NFATC3: variants seen among roughly 807,000 people sequenced by gnomAD.
NFATC3 encodes the protein nuclear factor of activated T-cells, cytoplasmic 3.
NFATC3 carries 46 observed loss-of-function variants against 98.6 expected under a neutral mutation model. The ratio of observed to expected loss-of-function variants is 0.47; its 90% CI spans 0.37 to 0.60. NFATC3 has a LOEUF of 0.60. NFATC3 is among the 20% of genes least tolerant of loss of function. The pLI is 0.00. For synonymous variants in NFATC3, 512 were observed against 472.2 expected (o/e 1.08, Z -1.09); for missense variants, 1,256 against 1,295.5 (o/e 0.97, Z 0.47).
At chr16:68,218,106 C>G (rs766928261) in intron 9 of NFATC3, 14 of 896,912 alleles carry the variant, frequency 1.6e-5, no homozygotes, top group Non-Finnish European at 1.9e-5. Flanking sequence ...GTTGCCTAGG[C>G]TGGAGTGCAG....
At chr16:68,109,104 A>G (rs2035813291) in intron 1 of NFATC3, among the ~76,000 whole-genome samples, 1 of 152,134 alleles carries the variant, frequency 6.6e-6, no homozygotes, top group African/African-American at 2.4e-5. Context: ...AATTTCCATT[A>G]CTATGTTGAA....
intron 1 of NFATC3, among the ~76,000 whole-genome samples, chr16:68,106,122 G>A (rs569014115): frequency 6.6e-6 from 1 of 151,760 alleles, no homozygotes; most frequent in South Asian, 2.1e-4. Flanking sequence ...CACCTGCTTC[G>A]GCCTCCCAGA....
rs919985849 is a variant in NFATC3 at position 68,089,352 on chromosome 16, CTTT to C, written c.103+3571_103+3573del. The stretch of plus-strand genomic sequence containing the variant: ...GTATACATTTGTGACTGACGACTGA[CTTT>C]TTAAGACTACTGTTTGCGAGATATT... On this transcript the variant is annotated intron_variant, in intron 1 of 9. Transcript: ENST00000346183. The C allele has an allele frequency of 1.4e-5, 12 of 885,896 alleles. No homozygotes were observed. The African/African-American group carries it at 2.2e-4, about 16-fold the overall frequency. 54.9% of individuals were successfully genotyped at this position (885,896 alleles called of 1,614,324 possible).
At chr16:68,095,694 C>T (rs1049916635) in intron 1 of NFATC3, among the ~76,000 whole-genome samples, 1 of 152,122 alleles carries the variant, frequency 6.6e-6, no homozygotes, top group Non-Finnish European at 1.5e-5. Flanking sequence ...TTTTGTTATG[C>T]AGTTACTTTC....
At chr16:68,106,480 CG>C (rs1329514050) in intron 1 of NFATC3, among the ~76,000 whole-genome samples, 3 of 151,460 alleles carry the variant, frequency 2.0e-5, no homozygotes, top group African/African-American at 7.3e-5. Flanking sequence ...TTAGTAGAGA[CG>C]GGGTTTCTCC....
intron 3 of NFATC3, among the ~76,000 whole-genome samples, chr16:68,149,093 CT>C (rs1316117338): frequency 2.4e-4 from 37 of 152,120 alleles, no homozygotes; most frequent in African/African-American, 8.9e-4. Context: ...CTGTCTTACC[CT>C]GAGAGAATCT....
chr16:68,138,668 G>A, intron 3 of NFATC3: 1 of 1,288,048 alleles, frequency 7.8e-7, no homozygotes, highest in Non-Finnish European at 1.0e-6. Flanking sequence ...TTGGCTACAA[G>A]TAGTCACATG....
At chr16:68,196,688 T>TC (rs2040687604) in intron 9 of NFATC3, among the ~76,000 whole-genome samples, 1 of 150,144 alleles carries the variant, frequency 6.7e-6, no homozygotes, top group African/African-American at 2.5e-5. Context: ...AGTGAGAGAC[T>TC]CCATCTCAAA....
At chr16:68,148,780 G>C (rs771134365) in intron 3 of NFATC3, among the ~76,000 whole-genome samples, 64 of 152,126 alleles carry the variant, frequency 4.2e-4, no homozygotes, top group Admixed American at 9.2e-4. Context: ...GGTTGAGGCG[G>C]GTGGATCATT....
chr16:68,165,386 C>T (rs200592550), intron 4 of NFATC3, among the ~76,000 whole-genome samples: 266 of 117,442 alleles, frequency 2.3e-3, no homozygotes, highest in East Asian at 2.5e-3. Flanking sequence ...TTTTTTTTTT[C>T]TTTTTCTTTT....
chr16:68,181,409 A>G (rs560664865), intron 6 of NFATC3, 66 bp from the exon 7 acceptor site: 4 of 1,149,194 alleles, frequency 3.5e-6, no homozygotes, highest in Non-Finnish European at 3.9e-6. Context: ...CTATCCATGC[A>G]TTAGATTTTG....
chr16:68,204,665 C>T (rs781689233), intron 9 of NFATC3, among the ~76,000 whole-genome samples: 61 of 152,066 alleles, frequency 4.0e-4, no homozygotes, highest in Admixed American at 8.5e-4. Flanking sequence ...TATATAATCT[C>T]GCTTTCGTAA....
At position 68,087,374 on chromosome 16, in the gene NFATC3, A is replaced by T. The variant is rs540513803; in HGVS notation, c.103+1590A>T. Among the ~76,000 whole-genome samples, 5 of 152,326 alleles carry T rather than the reference A, an allele frequency of 3.3e-5. No individual in the cohort carries two copies. In the East Asian group the frequency reaches 7.7e-4, roughly 23 times the overall value. ...AATAACATTTCAAAGCTATGAAAAAATTTTTAATGATCTTTACCATACGCA... is the reference window on the plus strand; with the variant it reads ...AATAACATTTCAAAGCTATGAAAAATTTTTTAATGATCTTTACCATACGCA... On this transcript the variant is annotated intron_variant, in intron 1 of 9. Coordinates refer to ENST00000346183, the MANE Select transcript of NFATC3 (RefSeq NM_173165.3).
At chr16:68,113,283 T>G (rs1329594692) in intron 1 of NFATC3, among the ~76,000 whole-genome samples, 1 of 152,158 alleles carries the variant, frequency 6.6e-6, no homozygotes, top group African/African-American at 2.4e-5. Context: ...GGATCTTTTG[T>G]GTTGATGTTG....
chr16:68,118,056 A>G (rs1394696075), intron 1 of NFATC3, among the ~76,000 whole-genome samples: 1 of 152,158 alleles, frequency 6.6e-6, no homozygotes, highest in Non-Finnish European at 1.5e-5. Context: ...AACTCTAGCC[A>G]TCTTGGGCGT....
At chr16:68,177,835 T>C (rs1334650475) in intron 6 of NFATC3, among the ~76,000 whole-genome samples, 1 of 152,136 alleles carries the variant, frequency 6.6e-6, no homozygotes, top group Non-Finnish European at 1.5e-5. Flanking sequence ...TCGCTTAGCA[T>C]CCACCCTCTC....
chr16:68,096,168 G>A (rs1376773553), intron 1 of NFATC3, among the ~76,000 whole-genome samples: 1 of 151,920 alleles, frequency 6.6e-6, no homozygotes, highest in South Asian at 2.1e-4. Context: ...GTCTTTCTGT[G>A]TTGCCCAGGC....
At position 68,174,438 on chromosome 16, in the gene NFATC3, TG is replaced by T. The variant is rs1195070223; in HGVS notation, c.1841del (p.Gly614GlufsTer7). 1 of 1,606,960 alleles carries T rather than the reference TG, an allele frequency of 6.2e-7. No individual in the cohort carries two copies. The highest frequency in any genetic ancestry group is 8.5e-7 in the Non-Finnish European group (1 of 1,176,652). On this transcript the variant is annotated frameshift_variant, in exon 6 of 10. Coordinates refer to ENST00000346183, the MANE Select transcript of NFATC3 (RefSeq NM_173165.3). LOFTEE classifies it high-confidence loss of function. ...KYSINSCSVNGGHEMVVTGSN... is the reference protein window; with the variant it reads ...KYSINSCSVNXGHEMVVTGSN... ...ACAGTATCAACAGTTGTTCTGTAAA[TG>T]GAGGTCATGAAATGGTTGTGACTGG...
rs766152161 is a variant in NFATC3, at chr16:68,122,269, A to G, written c.386A>G (p.Asp129Gly). ...CATCAAGAATTAGATGCACATGAAGATGACCTACAGATAAATGACCCAGAA... is the reference window on the plus strand; with the variant it reads ...CATCAAGAATTAGATGCACATGAAGGTGACCTACAGATAAATGACCCAGAA... ...NCHQELDAHE[D>G]DLQINDPERE... Residue 129 changes from aspartate (D) to glycine (G), a missense_variant, in exon 2 of 10, where the codon GAT (aspartate) becomes GGT (glycine). Physicochemically the swap from Asp to Gly is moderately conservative, Grantham distance 94. This residue lies in a region of NFATC3 where 464 missense variants were observed against 465.7 expected (regional missense o/e 1.00). Coordinates refer to ENST00000346183, the MANE Select transcript of NFATC3 (RefSeq NM_173165.3). 33 of 1,614,038 alleles carry G rather than the reference A, an allele frequency of 2.0e-5. No homozygotes were observed. Among genetic ancestry groups the G allele is most frequent in the Non-Finnish European group, 2.6e-5 (31 of 1,180,042 alleles).
Sources: allele counts gnomAD v4.1 joint callset (sites outside exome capture counted in the v4.1 genomes callset), GRCh38; gene constraint gnomAD v4.1.1; regional missense constraint gnomAD v4.1.1; transcripts MANE v1.5; gene names NCBI Gene and HGNC (gene_info 2026-07-23, HGNC 2026-07-21).